Variants in TOP2B observed in about 807,000 individuals in gnomAD.
TOP2B encodes the protein DNA topoisomerase 2-beta.
TOP2B carries 51 observed loss-of-function variants against 193.5 expected under a neutral mutation model. The observed-to-expected ratio is 0.26, with a 90% confidence interval of 0.21 to 0.33. TOP2B has a LOEUF of 0.33. Among genes scored for constraint, TOP2B ranks in the 10% least tolerant of loss-of-function variants. The pLI, the probability that TOP2B is intolerant of heterozygous loss-of-function variation, is 1.00. For synonymous variants in TOP2B, 634 were observed against 635.7 expected (o/e 1.00, Z 0.04); for missense variants, 1,378 against 1,909.3 (o/e 0.72, Z 5.19).
chr3:25,645,004 G>C (rs535962382), intron 2 of TOP2B, among the ~76,000 whole-genome samples: 6 of 151,334 alleles, frequency 4.0e-5, no homozygotes, highest in African/African-American at 1.5e-4. Context: ...TAGAGACAGA[G>C]TTTCACCATG....
Position 25,619,982 on chromosome 3 carries a change from A to G in TOP2B, c.2943T>C (p.Tyr981=). The G allele has an allele frequency of 1.2e-6, 2 of 1,607,694 alleles. No homozygotes were observed. Among genetic ancestry groups the G allele is most frequent in the Non-Finnish European group, 1.7e-6 (2 of 1,175,628 alleles). ...TPALISDYKE[Y]HTDTTVKFVV... ...CAAATTTCACAGTTGTGTCAGTATG[A>G]TATTCTTTATAATCAGAAATTAATG... The change falls in exon 23 of 36, where the codon TAT becomes TAC. Residue 981 remains tyrosine, a synonymous_variant. Transcript: ENST00000264331.
rs1702253540 is a variant in TOP2B at position 25,607,100 on chromosome 3, G to C, written c.4298+71C>G. 5.2e-6 allele frequency: 8 copies of C among 1,546,424 alleles called. No homozygotes were observed. The South Asian group carries it at 1.0e-4, about 20-fold the overall frequency. On this transcript the variant is annotated intron_variant, in intron 31 of 35. Coordinates refer to ENST00000264331, the MANE Select transcript of TOP2B (RefSeq NM_001330700.2). The stretch of plus-strand genomic sequence containing the variant: ...AGAATGATAACAATTTCTTAGAAGA[G>C]CTCACTATAATATCTTTGGCAAATG...
chr3:25,618,799 G>A lies in TOP2B; in HGVS notation c.3114C>T (p.Asp1038=). The change falls in exon 24 of 36, where the codon GAC becomes GAT. Residue 1038 remains aspartate, a synonymous_variant. Transcript: ENST00000264331. ...GCLKKYETVQ[D]ILKEFFDLRL... is the part of the protein sequence containing the mutation. ...GTAAATCAAAGAATTCTTTCAGAATGTCTTGCACAGTTTCATATTTCTTCA... is the reference window on the plus strand; with the variant it reads ...GTAAATCAAAGAATTCTTTCAGAATATCTTGCACAGTTTCATATTTCTTCA... The A allele has an allele frequency of 1.2e-6, 2 of 1,610,740 alleles. No homozygotes were observed. The highest frequency in any genetic ancestry group is 1.7e-6 in the Non-Finnish European group (2 of 1,178,198).
chr3:25,660,418 T>C (rs547027948), intron 1 of TOP2B, among the ~76,000 whole-genome samples: 35 of 152,328 alleles, frequency 2.3e-4, no homozygotes, highest in African/African-American at 8.2e-4. Flanking sequence ...TGTTTTATGA[T>C]TCATGAGAGT....
chr3:25,661,096 G>T (rs1387170479), intron 1 of TOP2B, among the ~76,000 whole-genome samples: 1 of 151,678 alleles, frequency 6.6e-6, no homozygotes, highest in African/African-American at 2.4e-5. Flanking sequence ...CGCCTCCAAG[G>T]TTCAAGCGAT....
chr3:25,615,748 T>C, intron 25 of TOP2B, 162 bp from the exon 26 acceptor site: 1 of 580,490 alleles, frequency 1.7e-6, no homozygotes, highest in Non-Finnish European at 2.6e-6. Flanking sequence ...ATATATTTCC[T>C]TATAAAAAGT....
intron 33 of TOP2B, among the ~76,000 whole-genome samples, chr3:25,602,576 C>G (rs536268334): frequency 6.6e-6 from 1 of 151,848 alleles, no homozygotes; most frequent in Non-Finnish European, 1.5e-5. Flanking sequence ...AATAAGGCCC[C>G]TCGTTAGCCA....
intron 25 of TOP2B, 124 bp from the exon 26 acceptor site, chr3:25,615,710 G>A (rs140696167): frequency 1.2e-6 from 1 of 856,446 alleles, no homozygotes; most frequent in East Asian, 3.2e-5. Flanking sequence ...CTTCAGGATG[G>A]TGGGGTTATT....
chr3:25,643,596 C>T, intron 3 of TOP2B, 98 bp downstream of exon 3: 1 of 827,630 alleles, frequency 1.2e-6, no homozygotes, highest in South Asian at 1.9e-5. Context: ...CAGAGATACA[C>T]CTTTCAAATT....
chr3:25,608,235 A>G (rs1702283802), intron 30 of TOP2B, among the ~76,000 whole-genome samples: 2 of 152,242 alleles, frequency 1.3e-5, no homozygotes, highest in African/African-American at 4.8e-5. Flanking sequence ...CAATAATACA[A>G]TGCATAAAAA....
At chr3:25,613,298 A>G (rs1361616867) in intron 27 of TOP2B, among the ~76,000 whole-genome samples, 2 of 152,216 alleles carry the variant, frequency 1.3e-5, no homozygotes, top group Admixed American at 6.5e-5. Flanking sequence ...TTTGAAAGGC[A>G]CAAGGAAAAA....
chr3:25,643,573 G>A (rs1703324271), intron 3 of TOP2B, 121 bp downstream of exon 3: 2 of 680,340 alleles, frequency 2.9e-6, no homozygotes, highest in Non-Finnish European at 5.1e-6. Context: ...TTTATATTCA[G>A]AAGGATAAAA....
intron 6 of TOP2B, among the ~76,000 whole-genome samples, chr3:25,636,641 C>T (rs993215356): frequency 6.6e-6 from 1 of 152,018 alleles, no homozygotes; most frequent in Non-Finnish European, 1.5e-5. Flanking sequence ...ATAAACTAAA[C>T]TGTACAACTT....
At chr3:25,649,212 G>A (rs2125401394) in intron 1 of TOP2B, among the ~76,000 whole-genome samples, 1 of 151,984 alleles carries the variant, frequency 6.6e-6, no homozygotes, top group East Asian at 1.9e-4. Flanking sequence ...AAAGGCAAAG[G>A]AATGAATAAA....
At chr3:25,608,187 A>C (rs1702282983) in intron 30 of TOP2B, among the ~76,000 whole-genome samples, 1 of 152,252 alleles carries the variant, frequency 6.6e-6, no homozygotes, top group Admixed American at 6.5e-5. Flanking sequence ...TGAATGAAAA[A>C]AGACAGGAGA....
intron 25 of TOP2B, among the ~76,000 whole-genome samples, chr3:25,616,938 C>CA (rs1217356684): frequency 6.6e-6 from 1 of 151,800 alleles, no homozygotes; most frequent in African/African-American, 2.4e-5. Context: ...TTATGCTTTA[C>CA]AAAAAACTTT....
chr3:25,626,859 A>G lies in TOP2B; in HGVS notation c.2022T>C (p.Phe674=). The G allele has an allele frequency of 6.3e-7, 1 of 1,580,918 alleles. No individual in the cohort carries two copies. Among genetic ancestry groups the G allele is most frequent in the Non-Finnish European group, 8.6e-7 (1 of 1,161,492 alleles). ...TTCTGTCATCAATCTTCTTCTTACT[A>G]AATGCCTGAAAGATTCCAGGTAACG... ...PEDDAAITLA[F]SKKKIDDRKE... The change falls in exon 17 of 36, where the codon TTT becomes TTC. Residue 674 remains phenylalanine, a synonymous_variant. Coordinates refer to ENST00000264331, the MANE Select transcript of TOP2B (RefSeq NM_001330700.2).
intron 1 of TOP2B, among the ~76,000 whole-genome samples, chr3:25,653,562 T>C (rs115803525): frequency 0.013 from 2,022 of 152,082 alleles, 49 homozygotes; most frequent in African/African-American, 0.044. Context: ...CCCAAGTAGC[T>C]AGTACTACAA....
chr3:25,634,055 T>A, intron 7 of TOP2B, 41 bp from the exon 8 acceptor site: 1 of 1,485,302 alleles, frequency 6.7e-7, no homozygotes, highest in Non-Finnish European at 9.1e-7. Flanking sequence ...AATCTTACAC[T>A]GGCAGCTCAA....
Sources: gnomAD v4.1 joint callset for allele counts (sites outside exome capture counted in the v4.1 genomes callset) on GRCh38, gnomAD v4.1.1 for gene constraint, MANE v1.5 for transcripts, NCBI Gene and HGNC (gene_info 2026-07-23, HGNC 2026-07-21) for gene names.